SPAST: variants seen among roughly 807,000 people sequenced by gnomAD.
SPAST encodes spastic paraplegia 4 (autosomal dominant; spastin).
SPAST carries 30 observed loss-of-function variants against 76.6 expected under a neutral mutation model. The observed-to-expected ratio is 0.39, with a 90% confidence interval of 0.29 to 0.53. The LOEUF is 0.53. Among genes scored for constraint, SPAST ranks in the 20% least tolerant of loss-of-function variants. SPAST has a pLI of 0.68. For synonymous variants in SPAST, 305 were observed against 281.0 expected, an observed-to-expected ratio of 1.09 and a Z score of -0.86; for missense variants, 717 against 770.5, an observed-to-expected ratio of 0.93 and a Z score of 0.82.
chr2:32,078,212 G>A (rs1019837584), intron 1 of SPAST, among the ~76,000 whole-genome samples: 3 of 151,938 alleles, frequency 2.0e-5, no homozygotes, highest in African/African-American at 7.3e-5. Flanking sequence ...GGATGGTCTC[G>A]ATCTCCTGAC....
intron 9 of SPAST, among the ~76,000 whole-genome samples, chr2:32,135,816 TAG>T (rs1342412670): frequency 6.6e-6 from 1 of 152,124 alleles, no homozygotes; most frequent in African/African-American, 2.4e-5. Flanking sequence ...ATAGGAAAGA[TAG>T]GATTGGAAAC....
intron 1 of SPAST, among the ~76,000 whole-genome samples, chr2:32,079,565 CT>C (rs1193614793): frequency 1.1e-4 from 16 of 145,444 alleles, no homozygotes; most frequent in African/African-American, 1.8e-4. Flanking sequence ...CCCACCCCTG[CT>C]TTTTTTTTTT....
At chr2:32,064,302 G>C in intron 1 of SPAST, 56 bp downstream of exon 1, 6 of 1,055,224 alleles carry the variant, frequency 5.7e-6, no homozygotes, top group Admixed American at 2.4e-5. Flanking sequence ...CGGTGGGGTC[G>C]CCGGGGGAGG....
intron 1 of SPAST, among the ~76,000 whole-genome samples, chr2:32,074,410 AT>A (rs1676869839): frequency 6.6e-6 from 1 of 152,100 alleles, no homozygotes; most frequent in South Asian, 2.1e-4. Flanking sequence ...TCATGCTGAT[AT>A]TCTGTAAGTG....
chr2:32,121,158 G>A (rs1001144998), intron 7 of SPAST, among the ~76,000 whole-genome samples: 3 of 150,498 alleles, frequency 2.0e-5, no homozygotes, highest in Non-Finnish European at 3.0e-5. Context: ...CTTTTTTTAG[G>A]TGGGGGCAGG....
Position 32,154,974 on chromosome 2 carries a change from GTTTAT to G in SPAST, c.*482_*486del, listed in dbSNP as rs2148769771. The G allele has an allele frequency of 6.5e-6, 1 of 153,468 alleles. No individual in the cohort carries two copies. The highest frequency in any genetic ancestry group is 2.4e-5 in the African/African-American group (1 of 41,544). The allele number at this position is 153,468 out of a possible 1,614,324, so 9.5% of individuals were successfully genotyped here. A position where few individuals can be genotyped will look rare whatever the true frequency, so the allele number is the denominator to read the frequency against. ...TGATTGGAATGCCAAACACTCTTAA[GTTTAT>G]TTTCTTTTTTCGTTTTATAAATTCA... On this transcript the variant is annotated 3_prime_UTR_variant, in exon 17 of 17. Coordinates refer to ENST00000315285, the MANE Select transcript of SPAST (RefSeq NM_014946.4).
chr2:32,141,917 C>T lies in SPAST; in HGVS notation c.1507C>T (p.Arg503Trp), dbSNP rs864622162. Residue 503 changes from arginine (R) to tryptophan (W), a missense_variant, in exon 13 of 17, where the codon CGG becomes TGG. Transcript: ENST00000315285. ...TTTTTTTTTTAGGCGTTTCATCAAA[C>T]GGGTATATGTGTCTTTACCAAATGA... Reference protein sequence around the residue: ...DEAVLRRFIKRVYVSLPNEET... With the variant: ...DEAVLRRFIKWVYVSLPNEET... 3 of 1,611,034 alleles carry T rather than the reference C, an allele frequency of 1.9e-6. No homozygotes were observed. Among genetic ancestry groups the T allele is most frequent in the Non-Finnish European group, 1.7e-6 (2 of 1,178,660 alleles).
At chr2:32,107,504 T>C (rs548729146) in intron 4 of SPAST, among the ~76,000 whole-genome samples, 1 of 152,270 alleles carries the variant, frequency 6.6e-6, no homozygotes, top group South Asian at 2.1e-4. Flanking sequence ...CCACCTGCCC[T>C]GGCCTCCCAA....
At chr2:32,077,642 C>T (rs1046465545) in intron 1 of SPAST, among the ~76,000 whole-genome samples, 1 of 152,200 alleles carries the variant, frequency 6.6e-6, no homozygotes, top group African/African-American at 2.4e-5. Context: ...TTCTAACTCA[C>T]ATACTTGCAA....
chr2:32,094,602 C>T (rs1558309581), intron 3 of SPAST, among the ~76,000 whole-genome samples: 1 of 152,214 alleles, frequency 6.6e-6, no homozygotes, highest in Non-Finnish European at 1.5e-5. Flanking sequence ...ATTGTCACAA[C>T]ACGCAGGGCT....
intron 4 of SPAST, among the ~76,000 whole-genome samples, chr2:32,109,467 C>T (rs1178873015): frequency 6.6e-6 from 1 of 151,996 alleles, no homozygotes; most frequent in Admixed American, 6.6e-5. Context: ...CTGTTTCTTT[C>T]CTCTCACGTA....
intron 1 of SPAST, among the ~76,000 whole-genome samples, chr2:32,073,123 T>G (rs1676818568): frequency 6.6e-6 from 1 of 152,236 alleles, no homozygotes; most frequent in Non-Finnish European, 1.5e-5. Context: ...AGTTAAACCC[T>G]ATTAAACTGG....
intron 1 of SPAST, among the ~76,000 whole-genome samples, chr2:32,083,748 TACTATATATATATATATATATATA>T (rs1677343746): frequency 1.7e-5 from 1 of 57,830 alleles, no homozygotes; most frequent in Admixed American, 2.4e-4. Context: ...TATTTATATA[TACTATATATATATATATATATATA>T]TATATTTTTT....
intron 2 of SPAST, 64 bp downstream of exon 2, chr2:32,087,642 C>A: frequency 7.9e-6 from 5 of 633,070 alleles, no homozygotes; most frequent in South Asian, 2.3e-5. Context: ...GTCCAGATTT[C>A]AGATCTATTT....
intron 1 of SPAST, among the ~76,000 whole-genome samples, 190 bp from the exon 2 acceptor site, chr2:32,087,299 ACAT>A (rs1677522288): frequency 6.6e-6 from 1 of 152,192 alleles, no homozygotes; most frequent in Admixed American, 6.6e-5. Flanking sequence ...ATGTTGATAA[ACAT>A]CATGACCATA....
At position 32,089,610 on chromosome 2, in the gene SPAST, C is replaced by A; in HGVS notation, c.586+5C>A. 6.9e-7 allele frequency: 1 copy of A among 1,459,062 alleles called. No homozygotes were observed. The highest frequency in any genetic ancestry group is 9.6e-7 in the Non-Finnish European group (1 of 1,038,672). 90.4% of individuals were successfully genotyped at this position (1,459,062 alleles called of 1,614,324 possible). A position where few individuals can be genotyped will look rare whatever the true frequency, so the allele number is the denominator to read the frequency against. On this transcript the variant is annotated splice_donor_5th_base_variant and intron_variant, in intron 3 of 16. Coordinates refer to ENST00000315285, the MANE Select transcript of SPAST (RefSeq NM_014946.4). ...AGGACCGCTTACAACTTCTAGGTAT[C>A]AATTAATGTATAATTTGATGTGGGA...
rs568239791 is a variant in SPAST at position 32,146,780 on chromosome 2, G to T, written c.1688-438G>T. ...CTCAGGAGGCTGAGGCAGGAGTATC[G>T]CTTGAACCTGGGAGGTGAGGTTGCA... On this transcript the variant is annotated intron_variant, in intron 15 of 16. Coordinates refer to ENST00000315285, the MANE Select transcript of SPAST (RefSeq NM_014946.4). Among the ~76,000 whole-genome samples the T allele has an allele frequency of 3.5e-5, 5 of 143,942 alleles. No individual in the cohort carries two copies. In the South Asian group the frequency reaches 1.1e-3, roughly 31 times the overall value. The allele number at this position is 143,942 out of a possible 152,430, so 94.4% of individuals were successfully genotyped here. A position where few individuals can be genotyped will look rare whatever the true frequency, so the allele number is the denominator to read the frequency against.
At chr2:32,141,409 A>G (rs117796396) in intron 12 of SPAST, among the ~76,000 whole-genome samples, 10 of 152,220 alleles carry the variant, frequency 6.6e-5, no homozygotes, top group East Asian at 3.9e-4. Flanking sequence ...AGGGTGTGCT[A>G]TCTCTTTTTG....
At chr2:32,091,359 C>T (rs1229429123) in intron 3 of SPAST, among the ~76,000 whole-genome samples, 1 of 150,050 alleles carries the variant, frequency 6.7e-6, no homozygotes, top group Non-Finnish European at 1.5e-5. Flanking sequence ...CGGCTCAATG[C>T]ACCCTCCACC....
Sources: allele counts gnomAD v4.1 joint callset (sites outside exome capture counted in the v4.1 genomes callset), GRCh38; gene constraint gnomAD v4.1.1; transcripts MANE v1.5; gene names NCBI Gene and HGNC (gene_info 2026-07-23, HGNC 2026-07-21).